CFAP210: variants seen among roughly 807,000 people sequenced by gnomAD.
CFAP210 encodes cilia- and flagella- associated protein 210.
the CFAP210 span, among the ~76,000 whole-genome samples, chr2:169,666,149 T>TG: frequency 4.4e-4 from 67 of 152,258 alleles, 1 homozygote; most frequent in African/African-American, 1.4e-3. Flanking sequence ...CTGATCCTTT[T>TG]GGTCTCTTTT....
chr2:169,686,065 T>C, the CFAP210 span, among the ~76,000 whole-genome samples: 1 of 152,182 alleles, frequency 6.6e-6, no homozygotes, highest in Non-Finnish European at 1.5e-5. Context: ...TGGAGTGCAG[T>C]GGCTATTCAT....
chr2:169,693,339 A>G, the CFAP210 span, among the ~76,000 whole-genome samples: 2 of 152,252 alleles, frequency 1.3e-5, no homozygotes, highest in African/African-American at 4.8e-5. Context: ...ATATGCAGGA[A>G]AGTGAATGTG....
the CFAP210 span, among the ~76,000 whole-genome samples, chr2:169,647,220 C>T: frequency 6.6e-6 from 1 of 151,690 alleles, no homozygotes; most frequent in Admixed American, 6.6e-5. Flanking sequence ...GATCTCTAAT[C>T]GAAGGTAAAA....
the CFAP210 span, among the ~76,000 whole-genome samples, chr2:169,693,189 CCT>C: frequency 6.6e-6 from 1 of 152,200 alleles, no homozygotes; most frequent in African/African-American, 2.4e-5. Context: ...CATCTCTGAA[CCT>C]CTCTCCAACT....
chr2:169,650,734 C>CTGTGTG, the CFAP210 span, among the ~76,000 whole-genome samples: 20,435 of 147,028 alleles, frequency 0.14, 1,543 homozygotes, highest in East Asian at 0.19. Flanking sequence ...TATGTATAAT[C>CTGTGTG]TGTGTGTGTG....
At chr2:169,676,935 T>C in the CFAP210 span, among the ~76,000 whole-genome samples, 6 of 152,254 alleles carry the variant, frequency 3.9e-5, no homozygotes, top group African/African-American at 1.4e-4. Flanking sequence ...AGGGATTACC[T>C]TTTCCCAGCA....
At chr2:169,648,962 C>T in the CFAP210 span, among the ~76,000 whole-genome samples, 5 of 152,080 alleles carry the variant, frequency 3.3e-5, no homozygotes, top group Admixed American at 3.3e-4. Flanking sequence ...GTATAATAGA[C>T]ACTAAAGAAG....
the CFAP210 span, chr2:169,646,033 ATATT>A: frequency 5.0e-6 from 8 of 1,613,904 alleles, no homozygotes; most frequent in East Asian, 1.1e-4. Flanking sequence ...GAGGGTAAAT[ATATT>A]TATTTGTTGT....
At chr2:169,683,081 A>G in the CFAP210 span, among the ~76,000 whole-genome samples, 1 of 152,170 alleles carries the variant, frequency 6.6e-6, no homozygotes, top group Admixed American at 6.5e-5. Context: ...AGGACCAAAT[A>G]AAGTCTTCTT....
At chr2:169,678,915 G>T in the CFAP210 span, among the ~76,000 whole-genome samples, 1 of 152,074 alleles carries the variant, frequency 6.6e-6, no homozygotes, top group African/African-American at 2.4e-5. Flanking sequence ...CTTTGAAAAA[G>T]AAATGATTTC....
the CFAP210 span, among the ~76,000 whole-genome samples, chr2:169,651,760 TAA>T: frequency 6.6e-6 from 1 of 152,166 alleles, no homozygotes; most frequent in African/African-American, 2.4e-5. Context: ...AATAATCTAA[TAA>T]AAGTTATCAA....
chr2:169,649,029 C>T, the CFAP210 span, among the ~76,000 whole-genome samples: 1 of 152,102 alleles, frequency 6.6e-6, no homozygotes, highest in Admixed American at 6.5e-5. Flanking sequence ...GAGATAGAAA[C>T]AAACCTCACA....
the CFAP210 span, among the ~76,000 whole-genome samples, chr2:169,676,297 A>T: frequency 6.6e-6 from 1 of 151,950 alleles, no homozygotes; most frequent in Non-Finnish European, 1.5e-5. Context: ...GGTAAGATGA[A>T]TCATCATTTA....
the CFAP210 span, among the ~76,000 whole-genome samples, chr2:169,685,920 T>G: frequency 6.6e-6 from 1 of 152,172 alleles, no homozygotes; most frequent in Non-Finnish European, 1.5e-5. Flanking sequence ...CCACTTAGTA[T>G]AGATGTATGG....
At chr2:169,680,128 TACTG>T in the CFAP210 span, among the ~76,000 whole-genome samples, 1 of 152,184 alleles carries the variant, frequency 6.6e-6, no homozygotes, top group Non-Finnish European at 1.5e-5. Flanking sequence ...AAAGAAGATA[TACTG>T]ATAGAAAATA....
chr2:169,672,413 A>G, the CFAP210 span, among the ~76,000 whole-genome samples: 1 of 152,290 alleles, frequency 6.6e-6, no homozygotes, highest in Non-Finnish European at 1.5e-5. Context: ...TACAAGGCGA[A>G]GTCCCACAAT....
At chr2:169,647,794 G>A in the CFAP210 span, among the ~76,000 whole-genome samples, 1 of 152,136 alleles carries the variant, frequency 6.6e-6, no homozygotes, top group East Asian at 1.9e-4. Flanking sequence ...TCCAAATCAT[G>A]TATCTGATAA....
chr2:169,672,713 G>A, the CFAP210 span, among the ~76,000 whole-genome samples: 1 of 152,166 alleles, frequency 6.6e-6, no homozygotes, highest in African/African-American at 2.4e-5. Flanking sequence ...TTCTAGCTGT[G>A]CCGGCAGCCG....
chr2:169,675,060 A>AT, the CFAP210 span: 390 of 1,441,048 alleles, frequency 2.7e-4, 3 homozygotes, highest in East Asian at 8.5e-3. Flanking sequence ...GACAAACACA[A>AT]TTTTTTGTTT....
Sources: allele counts gnomAD v4.1 joint callset (sites outside exome capture counted in the v4.1 genomes callset), GRCh38; gene constraint gnomAD v4.1.1; transcripts MANE v1.5; gene names NCBI Gene and HGNC (gene_info 2026-07-23, HGNC 2026-07-21).